The following CNTN6 variants were observed in gnomAD, a reference collection of about 807,000 sequenced individuals.
CNTN6 encodes the protein contactin-6.
In CNTN6, 137 loss-of-function variants were observed where a neutral mutation model predicts 122.8. The observed-to-expected ratio is 1.12, with a 90% CI of 0.97 to 1.29. The LOEUF (loss-of-function observed/expected upper bound fraction) is 1.29. Ranked by LOEUF, CNTN6 falls within the 50% of genes most tolerant of loss-of-function variation. The pLI, the probability that CNTN6 is intolerant of heterozygous loss-of-function variation, is 0.00. For synonymous variants in CNTN6, 570 were observed against 426.0 expected (o/e 1.34, Z -4.16); for missense variants, 1,634 against 1,223.4 (o/e 1.34, Z -5.01).
Position 1,369,182 on chromosome 3 carries a change from C to T in CNTN6, c.1493-3117C>T, listed in dbSNP as rs11919559. Among the ~76,000 whole-genome samples, 1,171 of 152,276 alleles carry T rather than the reference C, an allele frequency of 7.7e-3. 6 individuals are homozygous for T. Among genetic ancestry groups the T allele is most frequent in the Middle Eastern group, 0.031 (9 of 294 alleles). ...CCAGCTCACTACTACTTGCCTTTTA[C>T]TTCTCAGCGAAAACAGTTCTTTCTC... On this transcript the variant is annotated intron_variant, in intron 12 of 22. Transcript: ENST00000446702.
intron 7 of CNTN6, among the ~76,000 whole-genome samples, chr3:1,299,752 G>C (rs1696877491): frequency 6.6e-6 from 1 of 152,120 alleles, no homozygotes; most frequent in Non-Finnish European, 1.5e-5. Flanking sequence ...TTGAAATCCT[G>C]GGAGACAGAT....
chr3:1,141,404 T>C (rs573330741), intron 1 of CNTN6, among the ~76,000 whole-genome samples: 120 of 152,282 alleles, frequency 7.9e-4, no homozygotes, highest in Non-Finnish European at 1.5e-3. Flanking sequence ...GTCACGCACT[T>C]GCAACAATGA....
intron 20 of CNTN6, among the ~76,000 whole-genome samples, chr3:1,389,373 G>C (rs202065778): frequency 1.6e-4 from 25 of 152,112 alleles, no homozygotes; most frequent in Non-Finnish European, 3.1e-4. Flanking sequence ...GAGAGATTTT[G>C]TCACCACCAG....
intron 20 of CNTN6, chr3:1,394,165 G>T: frequency 5.1e-6 from 1 of 197,682 alleles, no homozygotes; most frequent in South Asian, 7.1e-5. Flanking sequence ...TAGGAGAACT[G>T]CTCCTTGCTG....
chr3:1,170,423 G>T (rs7632959), intron 2 of CNTN6, among the ~76,000 whole-genome samples: 2 of 152,004 alleles, frequency 1.3e-5, no homozygotes, highest in East Asian at 3.9e-4. Context: ...AGCAGAACCC[G>T]TTGAAAATCG....
chr3:1,307,763 CT>C (rs1347347353), intron 7 of CNTN6, among the ~76,000 whole-genome samples: 1 of 152,044 alleles, frequency 6.6e-6, no homozygotes, highest in Non-Finnish European at 1.5e-5. Context: ...GGCTGCCCCT[CT>C]GTTAGAATGT....
At chr3:1,165,170 A>T (rs1317613426) in intron 2 of CNTN6, among the ~76,000 whole-genome samples, 5 of 152,242 alleles carry the variant, frequency 3.3e-5, no homozygotes, top group African/African-American at 1.2e-4. Context: ...GGAACCAGAA[A>T]CCAACCAAGT....
chr3:1,183,140 G>A (rs1000172090), intron 2 of CNTN6, among the ~76,000 whole-genome samples: 9 of 152,194 alleles, frequency 5.9e-5, no homozygotes, highest in Non-Finnish European at 5.9e-5. Flanking sequence ...TAAAGGCAAC[G>A]CATAATGCCA....
At chr3:1,274,807 A>G (rs578036427) in intron 4 of CNTN6, among the ~76,000 whole-genome samples, 1 of 152,298 alleles carries the variant, frequency 6.6e-6, no homozygotes, top group Admixed American at 6.5e-5. Flanking sequence ...TCATAATCAT[A>G]GTAATTACCA....
intron 11 of CNTN6, among the ~76,000 whole-genome samples, chr3:1,351,016 T>A (rs1330078809): frequency 6.6e-6 from 1 of 151,876 alleles, no homozygotes; most frequent in Non-Finnish European, 1.5e-5. Flanking sequence ...AGACATTAAA[T>A]GTCTGCTATG....
intron 20 of CNTN6, among the ~76,000 whole-genome samples, chr3:1,386,300 T>TGTGATCCTACAACTGTC (rs1692920548): frequency 6.6e-6 from 1 of 152,240 alleles, no homozygotes; most frequent in Non-Finnish European, 1.5e-5. Flanking sequence ...TATATTCACA[T>TGTGATCCTACAACTGTC]GTGATCCTAC....
chr3:1,349,218 C>G (rs1368679359), intron 11 of CNTN6, among the ~76,000 whole-genome samples: 2 of 151,880 alleles, frequency 1.3e-5, no homozygotes, highest in Non-Finnish European at 2.9e-5. Flanking sequence ...ATAACTTCAA[C>G]CTTAAATCCT....
chr3:1,156,413 A>G (rs1340945719), intron 2 of CNTN6, among the ~76,000 whole-genome samples: 1 of 152,194 alleles, frequency 6.6e-6, no homozygotes, highest in African/African-American at 2.4e-5. Context: ...TAGTATTTAC[A>G]CTTGTTGAAT....
chr3:1,386,145 C>T (rs1692876236), intron 20 of CNTN6, among the ~76,000 whole-genome samples: 1 of 152,214 alleles, frequency 6.6e-6, no homozygotes, highest in Non-Finnish European at 1.5e-5. Flanking sequence ...TCTCAGTTGC[C>T]TACCTATAAA....
At chr3:1,287,922 G>T (rs549364307) in intron 5 of CNTN6, among the ~76,000 whole-genome samples, 2 of 152,242 alleles carry the variant, frequency 1.3e-5, no homozygotes, top group East Asian at 3.9e-4. Flanking sequence ...GAATAACCAC[G>T]AAAATAGCCA....
At chr3:1,112,144 C>G (rs549621185) in intron 1 of CNTN6, among the ~76,000 whole-genome samples, 9 of 152,128 alleles carry the variant, frequency 5.9e-5, no homozygotes, top group Non-Finnish European at 1.3e-4. Flanking sequence ...GTTCATCAAA[C>G]CTCATTAACC....
intron 1 of CNTN6, among the ~76,000 whole-genome samples, chr3:1,128,724 A>G (rs1217779497): frequency 2.0e-5 from 3 of 151,960 alleles, no homozygotes; most frequent in Admixed American, 6.6e-5. Context: ...GCAGATGCAT[A>G]TATTTATTTA....
chr3:1,186,875 T>C (rs1478694870), intron 2 of CNTN6, among the ~76,000 whole-genome samples: 1 of 151,774 alleles, frequency 6.6e-6, no homozygotes, highest in African/African-American at 2.4e-5. Flanking sequence ...AAACTGCCCT[T>C]GACAGTATGA....
intron 3 of CNTN6, among the ~76,000 whole-genome samples, chr3:1,227,327 T>C (rs1452434487): frequency 6.6e-6 from 1 of 152,230 alleles, no homozygotes; most frequent in Non-Finnish European, 1.5e-5. Context: ...GTAATCATGT[T>C]CTAAAGTAGT....
Sources: allele counts gnomAD v4.1 joint callset (sites outside exome capture counted in the v4.1 genomes callset), GRCh38; gene constraint gnomAD v4.1.1; transcripts MANE v1.5; gene names NCBI Gene and HGNC (gene_info 2026-07-23, HGNC 2026-07-21).